The following SUPV3L1 variants were observed in gnomAD, a reference collection of about 807,000 sequenced individuals.
SUPV3L1 encodes the protein ATP-dependent RNA helicase SUPV3L1, mitochondrial.
SUPV3L1 carries 35 observed loss-of-function variants against 70.0 expected under a neutral mutation model. The ratio of observed to expected loss-of-function variants is 0.50; its 90% CI spans 0.38 to 0.66. SUPV3L1 has a LOEUF of 0.66. Ranked by LOEUF, SUPV3L1 falls within the 30% of genes least tolerant of loss-of-function variation. The pLI is 0.00. For missense variants in SUPV3L1, 777 were observed against 961.5 expected (o/e 0.81, Z 2.54); for synonymous variants, 364 against 341.9 (o/e 1.06, Z -0.71).
At position 69,180,821 on chromosome 10, in the gene SUPV3L1, CAT is replaced by C. The variant is rs369728499; in HGVS notation, c.271+260_271+261del. Reference sequence around the variant, plus strand: ...CTGCTCTCTGAATGGTTTAGACACTCATGTGTTGGGAAGATTTGACTTTTTTG... The same window carrying C: ...CTGCTCTCTGAATGGTTTAGACACTCGTGTTGGGAAGATTTGACTTTTTTG... On this transcript the variant is annotated intron_variant, in intron 1 of 14. Transcript: ENST00000359655. Among the ~76,000 whole-genome samples the C allele has an allele frequency of 2.4e-4, 37 of 152,326 alleles. No homozygotes were observed. In the East Asian group the frequency reaches 4.6e-3, roughly 19 times the overall value.
chr10:69,191,303 T>G (rs1842390704), intron 5 of SUPV3L1, among the ~76,000 whole-genome samples: 1 of 148,382 alleles, frequency 6.7e-6, no homozygotes, highest in African/African-American at 2.5e-5. Context: ...TGATCTCGGC[T>G]CACTGAACCT....
chr10:69,205,900 CT>C (rs1028054454), intron 13 of SUPV3L1, among the ~76,000 whole-genome samples: 13 of 152,050 alleles, frequency 8.5e-5, no homozygotes, highest in African/African-American at 3.1e-4. Context: ...TTTTCCTGAT[CT>C]TTGTCATTAC....
rs1209864470 is a variant in SUPV3L1, at chr10:69,202,899, G to T, written c.1632G>T (p.Gly544=). ...TTGTAGACTTTTCACAAGTTGATGGGCAGTATTTTGTCTGCAATATGGATG... is the reference window on the plus strand; with the variant it reads ...TTGTAGACTTTTCACAAGTTGATGGTCAGTATTTTGTCTGCAATATGGATG... ...DIFVDFSQVD[G]QYFVCNMDDF... The change falls in exon 13 of 15, where the codon GGG becomes GGT. Residue 544 remains glycine (G), a synonymous_variant. Transcript: ENST00000359655. 1.2e-6 allele frequency: 2 copies of T among 1,613,140 alleles called. No individual in the cohort carries two copies. The highest frequency in any genetic ancestry group is 1.7e-6 in the Non-Finnish European group (2 of 1,179,682).
intron 11 of SUPV3L1, among the ~76,000 whole-genome samples, chr10:69,201,604 G>A (rs1032177002): frequency 1.0e-4 from 15 of 150,050 alleles, no homozygotes; most frequent in African/African-American, 3.4e-4. Context: ...GCATGATCAC[G>A]GCTCACGGTA....
In SUPV3L1 at chr10:69,180,353, G is replaced by A; in HGVS notation, c.62G>A (p.Arg21Gln). The A allele has an allele frequency of 6.2e-7, 1 of 1,614,122 alleles. No homozygotes were observed. The highest frequency in any genetic ancestry group is 1.1e-5 in the South Asian group (1 of 91,082). ...CCGGCGGGGCGCCAGGCTGGCCACC[G>A]GGCAGCCATCTGCTCTGCCCTTCGT... is the stretch of plus-strand genomic sequence containing the variant. The part of the protein sequence containing the change: ...RLPAGRQAGH[R>Q]AAICSALRPH... The change falls in exon 1 of 15, where the codon CGG becomes CAG. Residue 21 changes from arginine (R) to glutamine (Q), a missense_variant. Transcript: ENST00000359655.
At position 69,199,092 on chromosome 10, in the gene SUPV3L1, T is replaced by C. The variant is rs928049589; in HGVS notation, c.1205-12T>C. 4 of 1,601,830 alleles carry C rather than the reference T, an allele frequency of 2.5e-6. No individual in the cohort carries two copies. The African/African-American group carries it at 4.0e-5, about 16-fold the overall frequency. On this transcript the variant is annotated splice_polypyrimidine_tract_variant and intron_variant, in intron 9 of 14. Coordinates refer to ENST00000359655, the MANE Select transcript of SUPV3L1 (RefSeq NM_003171.5). ...GAGAACACTGATTTAACATAAATTG[T>C]TCTTGTTTTAGGGACCAAACTTGCT...
Position 69,202,947 on chromosome 10 carries a change from G to A in SUPV3L1, c.1680G>A (p.Leu560=). ...NMDDFKFSAE[L]IQHIPLSLRV... ...ATGATTTTAAATTTTCTGCAGAGTT[G>A]ATCCAGCATATTCCACTAAGTCTGC... The change falls in exon 13 of 15, where the codon TTG becomes TTA. Residue 560 remains leucine (L), a synonymous_variant. Coordinates refer to ENST00000359655, the MANE Select transcript of SUPV3L1 (RefSeq NM_003171.5). The A allele has an allele frequency of 6.2e-7, 1 of 1,614,078 alleles. No homozygotes were observed. The highest frequency in any genetic ancestry group is 1.1e-5 in the South Asian group (1 of 91,080).
intron 1 of SUPV3L1, among the ~76,000 whole-genome samples, chr10:69,182,840 C>T (rs1033133616): frequency 2.6e-5 from 4 of 152,244 alleles, no homozygotes; most frequent in African/African-American, 9.6e-5. Flanking sequence ...TTCTCAATCT[C>T]TTTTGCCTAC....
At chr10:69,185,832 A>G (rs1454467219) in intron 1 of SUPV3L1, among the ~76,000 whole-genome samples, 155 bp from the exon 2 acceptor site, 1 of 152,134 alleles carries the variant, frequency 6.6e-6, no homozygotes, top group Non-Finnish European at 1.5e-5. Context: ...CTCCCATCGC[A>G]TATGAATTCA....
rs1267084008 is a variant in SUPV3L1, at chr10:69,186,522, T to C, written c.429T>C (p.Ile143=). The C allele has an allele frequency of 6.2e-7, 1 of 1,613,990 alleles. No individual in the cohort carries two copies. Among genetic ancestry groups the C allele is most frequent in the Non-Finnish European group, 8.5e-7 (1 of 1,179,896 alleles). ...QSHSLDVDIH[I]VLNDICFGAA... The stretch of plus-strand genomic sequence containing the variant: ...ATTCCCTGGATGTGGACATTCACAT[T>C]GTTTTGAATGATATTTGCTTCGGTG... Residue 143 remains isoleucine, a synonymous_variant, in exon 3 of 15, where the codon ATT becomes ATC. Coordinates refer to ENST00000359655, the MANE Select transcript of SUPV3L1 (RefSeq NM_003171.5).
intron 1 of SUPV3L1, among the ~76,000 whole-genome samples, chr10:69,183,628 G>A (rs1054804569): frequency 1.3e-5 from 2 of 152,130 alleles, no homozygotes; most frequent in African/African-American, 4.8e-5. Flanking sequence ...GTTGCAGTGA[G>A]CCGAGATTGC....
At chr10:69,208,314 T>C (rs182731417) in intron 14 of SUPV3L1, among the ~76,000 whole-genome samples, 2 of 152,328 alleles carry the variant, frequency 1.3e-5, no homozygotes, top group Admixed American at 6.5e-5. Flanking sequence ...ACTTGTACAT[T>C]ATCATTTGAG....
At chr10:69,194,180 G>C (rs955806117) in intron 6 of SUPV3L1, among the ~76,000 whole-genome samples, 2 of 152,158 alleles carry the variant, frequency 1.3e-5, no homozygotes, top group Admixed American at 6.5e-5. Flanking sequence ...GAACTGCTCA[G>C]TGTGGGAGGC....
intron 6 of SUPV3L1, among the ~76,000 whole-genome samples, chr10:69,194,938 T>C (rs950090518): frequency 6.6e-6 from 1 of 152,122 alleles, no homozygotes; most frequent in Non-Finnish European, 1.5e-5. Context: ...GTAACTTAAT[T>C]TCTCTGGGCC....
In SUPV3L1 at chr10:69,180,501, A is replaced by AC; in HGVS notation, c.212dup (p.Gln72SerfsTer21). On this transcript the variant is annotated frameshift_variant, in exon 1 of 15. Transcript: ENST00000359655. LOFTEE classifies it high-confidence loss of function. ...CCTTGTTCGTGCCCCTGACTGTGAA[A>AC]CCTCAGGGCCCCAGCGCCGACGGCG... 1.2e-6 allele frequency: 2 copies of AC among 1,613,906 alleles called. No individual in the cohort carries two copies. The highest frequency in any genetic ancestry group is 1.7e-6 in the Non-Finnish European group (2 of 1,179,950).
chr10:69,196,919 C>T, intron 7 of SUPV3L1, 73 bp from the exon 8 acceptor site: 1 of 1,323,852 alleles, frequency 7.6e-7, no homozygotes, highest in South Asian at 1.2e-5. Context: ...ACGTAAAGTA[C>T]TTTGGCTATG....
chr10:69,207,904 G>C lies in SUPV3L1; in HGVS notation c.1888G>C (p.Ala630Pro). The change falls in exon 14 of 15, where the codon GCT (alanine) becomes CCT (proline). Residue 630 changes from alanine to proline, a missense_variant. Physicochemically the swap from Ala to Pro is conservative, Grantham distance 27. This residue lies in a region of SUPV3L1 where 619 missense variants were observed against 823.3 expected (regional missense o/e 0.75). Coordinates refer to ENST00000359655, the MANE Select transcript of SUPV3L1 (RefSeq NM_003171.5). Reference protein sequence around the residue: ...KNIKDLMDLEAVHDVLDLYLW... With the variant: ...KNIKDLMDLEPVHDVLDLYLW... ...TATTAAAGACCTCATGGATCTTGAAGCTGTCCACGATGTCTTGGATCTTTA... is the reference window on the plus strand; with the variant it reads ...TATTAAAGACCTCATGGATCTTGAACCTGTCCACGATGTCTTGGATCTTTA... 1 of 1,614,158 alleles carries C rather than the reference G, an allele frequency of 6.2e-7. No individual in the cohort carries two copies. Among genetic ancestry groups the C allele is most frequent in the Admixed American group, 1.7e-5 (1 of 60,018 alleles).
At position 69,200,337 on chromosome 10, in the gene SUPV3L1, A is replaced by G; in HGVS notation, c.1356A>G (p.Gly452=). The change falls in exon 11 of 15, where the codon GGA becomes GGG. Residue 452 remains glycine (G), a synonymous_variant. Coordinates refer to ENST00000359655, the MANE Select transcript of SUPV3L1 (RefSeq NM_003171.5). The part of the protein sequence containing the change: ...SLIKPSINEK[G]ERELEPITTS... ...TAAAGCCCAGTATCAATGAAAAGGG[A>G]GAGAGAGAACTAGAACCAATCACAA... 2 of 1,614,106 alleles carry G rather than the reference A, an allele frequency of 1.2e-6. No homozygotes were observed. The highest frequency in any genetic ancestry group is 1.7e-6 in the Non-Finnish European group (2 of 1,180,004).
At chr10:69,198,658 G>A in intron 9 of SUPV3L1, 106 bp downstream of exon 9, 1 of 1,033,738 alleles carries the variant, frequency 9.7e-7, no homozygotes, top group Non-Finnish European at 1.4e-6. Flanking sequence ...TAAGCTGCTT[G>A]ATGTATTGGT....
Sources: gnomAD v4.1 joint callset for allele counts (sites outside exome capture counted in the v4.1 genomes callset) on GRCh38, gnomAD v4.1.1 for gene constraint, gnomAD v4.1.1 regional missense constraint, MANE v1.5 for transcripts, NCBI Gene and HGNC (gene_info 2026-07-23, HGNC 2026-07-21) for gene names.